Variants in SH2D1A observed in about 807,000 individuals in gnomAD.
SH2D1A encodes SH2 domain containing 1A.
SH2D1A carries 6 observed loss-of-function variants against 10.1 expected under a neutral mutation model. That is an observed-to-expected ratio of 0.60 (90% CI 0.33 to 1.18). SH2D1A has a LOEUF of 1.18. Among genes scored for constraint, SH2D1A ranks in the 50% most tolerant of loss-of-function variants. SH2D1A has a pLI of 0.04. For synonymous variants in SH2D1A, 42 were observed against 36.9 expected, an observed-to-expected ratio of 1.14 and a Z score of -0.51; for missense variants, 51 against 97.6, an observed-to-expected ratio of 0.52 and a Z score of 2.01.
Position 124,370,230 on chromosome X carries a change from G to A in SH2D1A, c.256G>A (p.Ala86Thr). ...YFRKIKNLISAFQKPDQGIVI... is the reference protein window; with the variant it reads ...YFRKIKNLISTFQKPDQGIVI... ...CCGGAAAATAAAAAATCTCATTTCA[G>A]CATTTCAGAAGCCAGATCAAGGCAT... is the stretch of plus-strand genomic sequence containing the variant. Residue 86 changes from alanine to threonine, a missense_variant, in exon 3 of 4, where the codon GCA (alanine) becomes ACA (threonine). Physicochemically the swap from Ala to Thr is moderately conservative, Grantham distance 58. Coordinates refer to ENST00000371139, the MANE Select transcript of SH2D1A (RefSeq NM_002351.5). 8.4e-7 allele frequency: 1 copy of A among 1,193,393 alleles called. No individual in the cohort carries two copies. The highest frequency in any genetic ancestry group is 1.1e-6 in the Non-Finnish European group (1 of 878,821).
chrX:124,350,239 T>C (rs1363667920), intron 1 of SH2D1A, among the ~76,000 whole-genome samples: 2 of 22,374 alleles, frequency 8.9e-5, no homozygotes, highest in Non-Finnish European at 1.2e-4. Context: ...TATTATATAA[T>C]ATTATATAAT....
chrX:124,370,872 C>T (rs1158278162), intron 3 of SH2D1A, among the ~76,000 whole-genome samples: 1 of 111,960 alleles, frequency 8.9e-6, no homozygotes, highest in Non-Finnish European at 1.9e-5. Context: ...CCTGAGCAAA[C>T]CTATTTTAGT....
At chrX:124,348,372 T>A (rs1296657696) in intron 1 of SH2D1A, among the ~76,000 whole-genome samples, 1 of 110,928 alleles carries the variant, frequency 9.0e-6, no homozygotes, top group African/African-American at 3.3e-5. Context: ...TGAAAAAGAA[T>A]GTACAAAACA....
intron 1 of SH2D1A, among the ~76,000 whole-genome samples, chrX:124,364,120 C>G (rs1480585378): frequency 2.7e-5 from 3 of 109,583 alleles, no homozygotes; most frequent in Non-Finnish European, 1.9e-5. Context: ...AGGAGGTATT[C>G]CAGAAGGCAT....
intron 1 of SH2D1A, among the ~76,000 whole-genome samples, chrX:124,357,862 C>T (rs1178056970): frequency 5.6e-5 from 6 of 108,095 alleles, no homozygotes; most frequent in Admixed American, 5.0e-4. Flanking sequence ...GTCTGTCGCC[C>T]AGGCTGGAGT....
At chrX:124,364,452 T>C in intron 1 of SH2D1A, 1 of 275,493 alleles carries the variant, frequency 3.6e-6, no homozygotes, top group East Asian at 1.2e-4. Flanking sequence ...TTAAAAAAAT[T>C]TACAAGTTTA....
intron 1 of SH2D1A, among the ~76,000 whole-genome samples, chrX:124,349,807 T>C (rs980246162): frequency 9.1e-6 from 1 of 109,960 alleles, no homozygotes; most frequent in African/African-American, 3.3e-5. Flanking sequence ...ATTTATAGGA[T>C]TGCTCACCTT....
chrX:124,365,633 A>G, intron 1 of SH2D1A, 128 bp from the exon 2 acceptor site: 1 of 507,567 alleles, frequency 2.0e-6, no homozygotes, highest in South Asian at 3.1e-5. Context: ...TTTACTTCCT[A>G]TGAATGCAAT....
chrX:124,367,510 G>T (rs2060058892), intron 2 of SH2D1A: 1 of 111,924 alleles, frequency 8.9e-6, no homozygotes, highest in South Asian at 3.7e-4. Context: ...GTTGTCAGTG[G>T]TACAATTCTT....
intron 1 of SH2D1A, among the ~76,000 whole-genome samples, chrX:124,359,245 T>C (rs1239944936): frequency 8.9e-6 from 1 of 111,832 alleles, no homozygotes; most frequent in African/African-American, 3.3e-5. Context: ...TCAGATTCGT[T>C]AGGAAACAAT....
At position 124,371,210 on chromosome X, in the gene SH2D1A, A is replaced by G; in HGVS notation, c.347-141A>G. 3 of 422,857 alleles carry G rather than the reference A, an allele frequency of 7.1e-6. No homozygotes were observed. In the East Asian group the frequency reaches 1.2e-4, roughly 16 times the overall value. 34.8% of individuals were successfully genotyped at this position (422,857 alleles called of 1,213,427 possible). The stretch of plus-strand genomic sequence containing the variant: ...ATTCCATTCTTTATAACTCAGTTTT[A>G]AATAATAGTTGCTTGAGGTATATTA... On this transcript the variant is annotated intron_variant, in intron 3 of 3. Coordinates refer to ENST00000371139, the MANE Select transcript of SH2D1A (RefSeq NM_002351.5).
chrX:124,363,921 GAA>G (rs2060047272), intron 1 of SH2D1A, among the ~76,000 whole-genome samples: 4 of 64,675 alleles, frequency 6.2e-5, no homozygotes, highest in African/African-American at 2.2e-4. Context: ...AAAAAAGAAA[GAA>G]AAAGAAAAAG....
intron 1 of SH2D1A, among the ~76,000 whole-genome samples, chrX:124,363,731 T>C (rs1385378566): frequency 9.2e-6 from 1 of 108,598 alleles, no homozygotes; most frequent in Non-Finnish European, 1.9e-5. Context: ...CTGTCTCTAC[T>C]AAAAATACAA....
At chrX:124,365,711 T>G (rs1451568456) in intron 1 of SH2D1A, 50 bp from the exon 2 acceptor site, 2 of 789,285 alleles carry the variant, frequency 2.5e-6, no homozygotes, top group Non-Finnish European at 2.0e-6. Flanking sequence ...ATTTAAAGTA[T>G]CCATTGTTCT....
chrX:124,359,544 G>T (rs925137879), intron 1 of SH2D1A, among the ~76,000 whole-genome samples: 1 of 111,704 alleles, frequency 9.0e-6, no homozygotes, highest in Non-Finnish European at 1.9e-5. Flanking sequence ...TCACTTAAAG[G>T]CTTATGTTGA....
At chrX:124,358,729 A>G (rs1356685064) in intron 1 of SH2D1A, among the ~76,000 whole-genome samples, 1 of 112,155 alleles carries the variant, frequency 8.9e-6, no homozygotes, top group Non-Finnish European at 1.9e-5. Flanking sequence ...GTTGCCATCA[A>G]TATTCCCAAT....
At chrX:124,356,621 T>C (rs1251374211) in intron 1 of SH2D1A, among the ~76,000 whole-genome samples, 1 of 109,990 alleles carries the variant, frequency 9.1e-6, no homozygotes, top group African/African-American at 3.3e-5. Context: ...CAGTTTTTTG[T>C]TTGTTTGTTT....
Position 124,365,684 on chromosome X carries a change from T to C in SH2D1A, c.138-77T>C, listed in dbSNP as rs1405498949. On this transcript the variant is annotated intron_variant, in intron 1 of 3. Transcript: ENST00000371139. ...TGTCCTAGTATATGTGACATTTATATGTAATATTAAGCTCAAATTTAAAGT... is the reference window on the plus strand; with the variant it reads ...TGTCCTAGTATATGTGACATTTATACGTAATATTAAGCTCAAATTTAAAGT... 7.6e-6 allele frequency: 5 copies of C among 660,748 alleles called. No homozygotes were observed. The African/African-American group carries it at 1.1e-4, about 14-fold the overall frequency. The allele number at this position is 660,748 out of a possible 1,213,427, so 54.5% of individuals were successfully genotyped here.
In SH2D1A at chrX:124,348,879, C is replaced by A. The variant is rs758092088; in HGVS notation, c.137+2100C>A. On this transcript the variant is annotated intron_variant, in intron 1 of 3. Transcript: ENST00000371139. ...GGCCATTGAGAGGTTAGGGTATGGA[C>A]TCTGGGAAAGTCACTCAAATTCTCT... Among the ~76,000 whole-genome samples the A allele has an allele frequency of 4.1e-4, 46 of 111,827 alleles. 1 individual carries two copies. The highest frequency in any genetic ancestry group is 3.4e-4 in the Non-Finnish European group (18 of 53,153).
Sources: gnomAD v4.1 joint callset for allele counts (sites outside exome capture counted in the v4.1 genomes callset) on GRCh38, gnomAD v4.1.1 for gene constraint, MANE v1.5 for transcripts, NCBI Gene and HGNC (gene_info 2026-07-23, HGNC 2026-07-21) for gene names.